The following DNAH3 variants were observed in gnomAD, a reference collection of about 807,000 sequenced individuals.
DNAH3 encodes the protein dynein axonemal heavy chain 3, also known as axonemal beta dynein heavy chain 3.
A neutral mutation model predicts 432.5 loss-of-function variants in DNAH3; 332 were observed. That is an observed-to-expected ratio of 0.77 (90% CI 0.70 to 0.84). DNAH3 has a LOEUF of 0.84. DNAH3 is among the 40% of genes least tolerant of loss of function. DNAH3 has a pLI of 0.00. For synonymous variants in DNAH3, 1,956 were observed against 1,900.2 expected, an observed-to-expected ratio of 1.03 and a Z score of -0.76; for missense variants, 4,861 against 5,114.0, an observed-to-expected ratio of 0.95 and a Z score of 1.51.
At chr16:21,013,612 G>A (rs567991923) in intron 41 of DNAH3, among the ~76,000 whole-genome samples, 2 of 151,620 alleles carry the variant, frequency 1.3e-5, no homozygotes, top group South Asian at 2.1e-4. Context: ...CCAGCTACTC[G>A]GGAGGCTGAG....
At chr16:21,098,201 G>A (rs1169736204) in intron 17 of DNAH3, among the ~76,000 whole-genome samples, 1 of 152,092 alleles carries the variant, frequency 6.6e-6, no homozygotes, top group Non-Finnish European at 1.5e-5. Flanking sequence ...CCAGCACTTT[G>A]GGAGATGAGG....
At chr16:21,111,541 G>T in intron 14 of DNAH3, 85 bp downstream of exon 14, 1 of 1,323,088 alleles carries the variant, frequency 7.6e-7, no homozygotes, top group Non-Finnish European at 1.1e-6. Context: ...TCTGTTCATT[G>T]CTGGAAGGTG....
chr16:21,145,865 C>A, intron 2 of DNAH3, 119 bp downstream of exon 3: 1 of 688,804 alleles, frequency 1.5e-6, no homozygotes, highest in Non-Finnish European at 2.6e-6. Context: ...ACTAATCCTA[C>A]TTGTCAGGTC....
chr16:21,084,238 C>T (rs555519521), intron 19 of DNAH3, among the ~76,000 whole-genome samples: 13 of 152,306 alleles, frequency 8.5e-5, no homozygotes, highest in African/African-American at 3.1e-4. Context: ...AAGTATACAA[C>T]ACAGTACCCA....
At chr16:20,971,569 A>AGAGGG (rs1567555110) in intron 51 of DNAH3, among the ~76,000 whole-genome samples, 2 of 151,876 alleles carry the variant, frequency 1.3e-5, no homozygotes, top group Admixed American at 6.6e-5. Context: ...ACTCCCTGGA[A>AGAGGG]GAGGGATGGG....
At chr16:21,027,125 C>T in exon 38 of DNAH3, 1 of 1,612,488 alleles carries the variant, frequency 6.2e-7, no homozygotes, top group Non-Finnish European at 8.5e-7. Context: ...TCATGAGACA[C>T]AGCTAAAAGT....
chr16:20,950,296 G>A (rs901550706), intron 56 of DNAH3, among the ~76,000 whole-genome samples: 1 of 152,210 alleles, frequency 6.6e-6, no homozygotes, highest in African/African-American at 2.4e-5. Context: ...TCACTGTAAA[G>A]AACAGTCTTT....
At chr16:20,948,376 G>T in intron 57 of DNAH3, 107 bp downstream of exon 57, 1 of 1,168,084 alleles carries the variant, frequency 8.6e-7, no homozygotes. Context: ...AATTCAGGAA[G>T]CCCAAGGTCA....
exon 19 of DNAH3, chr16:21,086,942 C>T (rs975309744): frequency 1.2e-6 from 2 of 1,614,196 alleles, no homozygotes; most frequent in Non-Finnish European, 1.7e-6. Context: ...TCTTCACATT[C>T]TCTGCTAAGC....
intron 41 of DNAH3, among the ~76,000 whole-genome samples, chr16:21,004,417 G>C (rs1434893173): frequency 8.6e-5 from 13 of 151,798 alleles, no homozygotes; most frequent in Admixed American, 7.9e-4. Context: ...TGCCAGGCTG[G>C]AGTGCAGTGA....
intron 4 of DNAH3, 137 bp from the exon 6 acceptor site, chr16:21,140,847 G>A: frequency 2.9e-6 from 2 of 698,284 alleles, no homozygotes; most frequent in East Asian, 2.7e-5. Context: ...AATGGCATGT[G>A]TGTATACTTC....
chr16:21,156,611 A>G (rs1012431363), intron 1 of DNAH3, among the ~76,000 whole-genome samples: 3 of 152,114 alleles, frequency 2.0e-5, no homozygotes, highest in Non-Finnish European at 4.4e-5. Context: ...GCCTAATCCC[A>G]TCACATTGGG....
rs773450602 is a variant in DNAH3, at chr16:21,097,536, T to C, written c.2521-37A>G. On this transcript the variant is annotated intron_variant, in intron 17 of 61. Coordinates refer to ENST00000261383, the Ensembl canonical transcript of DNAH3. ...AAGGAGATGCTGTTTATGGGATGGG[T>C]TGTTCTCCTAAGCCCTCGAAGACAC... 4 of 1,608,210 alleles carry C rather than the reference T, an allele frequency of 2.5e-6. No homozygotes were observed. In the South Asian group the frequency reaches 4.4e-5, roughly 18 times the overall value.
chr16:21,139,057 A>G (rs1197117844), intron 5 of DNAH3, among the ~76,000 whole-genome samples: 1 of 152,166 alleles, frequency 6.6e-6, no homozygotes, highest in East Asian at 1.9e-4. Context: ...ATTTTATTAT[A>G]CACCCTAAAC....
intron 8 of DNAH3, among the ~76,000 whole-genome samples, chr16:21,126,929 A>C (rs1385595543): frequency 2.0e-5 from 3 of 152,028 alleles, no homozygotes; most frequent in Non-Finnish European, 2.9e-5. Context: ...ATCTAGTTGC[A>C]GGAAAACAAG....
chr16:21,138,321 G>A (rs1391285161), intron 5 of DNAH3, among the ~76,000 whole-genome samples: 1 of 152,094 alleles, frequency 6.6e-6, no homozygotes, highest in Non-Finnish European at 1.5e-5. Context: ...TCCAACGTTA[G>A]TAAAAGCAGC....
chr16:20,984,274 G>T (rs1463921500), intron 48 of DNAH3, among the ~76,000 whole-genome samples: 5 of 152,020 alleles, frequency 3.3e-5, no homozygotes, highest in African/African-American at 1.2e-4. Context: ...AAAAAAATCA[G>T]CCTGGCTTCA....
chr16:21,076,349 A>C (rs2090974920), intron 20 of DNAH3, among the ~76,000 whole-genome samples: 1 of 152,180 alleles, frequency 6.6e-6, no homozygotes, highest in Non-Finnish European at 1.5e-5. Context: ...AGAAGCAACC[A>C]ACCCTGCCTA....
rs2086659369 is a variant in DNAH3, at chr16:20,993,939, CA to C, written c.6601+3343del. On this transcript the variant is annotated intron_variant, in intron 44 of 61. Coordinates refer to ENST00000261383, the Ensembl canonical transcript of DNAH3. Reference sequence around the variant, plus strand: ...TTTTGAGTCAATATTCTTAGGTATACAATGTGCTCTTCCAGTATGTAATTCT... The same window carrying C: ...TTTTGAGTCAATATTCTTAGGTATACATGTGCTCTTCCAGTATGTAATTCT... Among the ~76,000 whole-genome samples the C allele has an allele frequency of 2.0e-5, 3 of 152,218 alleles. No homozygotes were observed. In the East Asian group the frequency reaches 5.8e-4, roughly 29 times the overall value.
Sources: gnomAD v4.1 joint callset for allele counts (sites outside exome capture counted in the v4.1 genomes callset) on GRCh38, gnomAD v4.1.1 for gene constraint, MANE v1.5 for transcripts, NCBI Gene and HGNC (gene_info 2026-07-23, HGNC 2026-07-21) for gene names.